CMPK2: variants seen among roughly 807,000 people sequenced by gnomAD.
CMPK2 encodes UMP-CMP kinase 2, mitochondrial.
A neutral mutation model predicts 33.4 loss-of-function variants in CMPK2; 32 were observed. The observed-to-expected ratio is 0.96, with a 90% CI of 0.72 to 1.29. The LOEUF (loss-of-function observed/expected upper bound fraction) is 1.29, where lower values mean the gene tolerates loss of function less well. Among genes scored for constraint, CMPK2 ranks in the 50% most tolerant of loss-of-function variants. The pLI is 0.00. For missense variants in CMPK2, 672 were observed against 616.0 expected (o/e 1.09, Z -0.96); for synonymous variants, 299 against 275.3 (o/e 1.09, Z -0.85).
rs79692126 is a variant in CMPK2, at chr2:6,851,420, G to A, written c.1226+30C>T. 13,779 of 1,613,664 alleles carry A rather than the reference G, an allele frequency of 8.5e-3. 91 individuals carry two copies. Among genetic ancestry groups the A allele is most frequent in the Non-Finnish European group, 0.01 (12,304 of 1,179,780 alleles). ...TCATCTCCCTTCAGGAATGCCTGCCGCTCACATTGCATTGCACTGGGACAC... is the reference window on the plus strand; with the variant it reads ...TCATCTCCCTTCAGGAATGCCTGCCACTCACATTGCATTGCACTGGGACAC... On this transcript the variant is annotated intron_variant, in intron 4 of 4. Transcript: ENST00000256722.
chr2:6,857,128 A>C (rs1662727528), intron 3 of CMPK2, among the ~76,000 whole-genome samples: 1 of 152,212 alleles, frequency 6.6e-6, no homozygotes, highest in South Asian at 2.1e-4. Context: ...CTTTAGTTAT[A>C]GTAGTTTCAC....
chr2:6,859,913 C>A (rs1200859499), intron 3 of CMPK2, among the ~76,000 whole-genome samples: 1 of 152,194 alleles, frequency 6.6e-6, no homozygotes. Context: ...CAGACAACAC[C>A]AGCCTGTGAA....
intron 3 of CMPK2, among the ~76,000 whole-genome samples, chr2:6,858,360 C>A (rs1313964548): frequency 2.0e-5 from 3 of 152,088 alleles, no homozygotes; most frequent in Non-Finnish European, 4.4e-5. Context: ...TATTATCTTA[C>A]CTCATCTTAT....
At chr2:6,844,481 G>C (rs904749224), downstream of CMPK2, among the ~76,000 whole-genome samples, 1 of 152,140 alleles carries the variant, frequency 6.6e-6, no homozygotes, top group Non-Finnish European at 1.5e-5. Flanking sequence ...TCTGGTTTTT[G>C]ATCTATCATG....
intron 2 of CMPK2, among the ~76,000 whole-genome samples, chr2:6,862,541 T>C (rs192301232): frequency 1.3e-5 from 2 of 152,344 alleles, no homozygotes; most frequent in South Asian, 2.1e-4. Context: ...GGGTACAAAA[T>C]AAATGATCAA....
At position 6,848,716 on chromosome 2, in the gene CMPK2, G is replaced by T; in HGVS notation, c.*1134C>A. Reference sequence around the variant, plus strand: ...TACAGATTTATCTGCCTTTGAACTGGAAGGAATTTTAGGTAATCACCTGGT... The same window carrying T: ...TACAGATTTATCTGCCTTTGAACTGTAAGGAATTTTAGGTAATCACCTGGT... On this transcript the variant is annotated 3_prime_UTR_variant, in exon 5 of 5. Transcript: ENST00000256722. 1 of 985,740 alleles carries T rather than the reference G, an allele frequency of 1.0e-6. No homozygotes were observed. Among genetic ancestry groups the T allele is most frequent in the Non-Finnish European group, 1.2e-6 (1 of 829,860 alleles). The allele number at this position is 985,740 out of a possible 1,614,324, so 61.1% of individuals were successfully genotyped here.
chr2:6,845,558 A>G (rs761573343), downstream of CMPK2, among the ~76,000 whole-genome samples: 1 of 152,200 alleles, frequency 6.6e-6, no homozygotes, highest in Non-Finnish European at 1.5e-5. Flanking sequence ...AGGAGCCAGT[A>G]GGGCAGGACT....
intron 3 of CMPK2, among the ~76,000 whole-genome samples, chr2:6,860,553 C>T (rs1662841444): frequency 6.6e-6 from 1 of 152,198 alleles, no homozygotes; most frequent in Admixed American, 6.5e-5. Flanking sequence ...GCTCTCTACT[C>T]TTGTCTGCCG....
upstream of CMPK2, chr2:6,866,106 C>T: frequency 4.2e-6 from 1 of 235,796 alleles, no homozygotes; most frequent in Non-Finnish European, 8.6e-6. Context: ...AGTTCCTCCT[C>T]TGCGGCTTAT....
chr2:6,848,385 T>C lies in CMPK2; in HGVS notation c.*1465A>G, dbSNP rs1662415865. ...TAAAGATACATTAATTGTTTGTTTT[T>C]CTAGGCTGCCAGTATAAGCTTTTCA... is the stretch of plus-strand genomic sequence containing the variant. On this transcript the variant is annotated 3_prime_UTR_variant, in exon 5 of 5. Transcript: ENST00000256722. 1.0e-6 allele frequency: 1 copy of C among 985,202 alleles called. No homozygotes were observed. The highest frequency in any genetic ancestry group is 1.2e-6 in the Non-Finnish European group (1 of 829,816). The allele number at this position is 985,202 out of a possible 1,614,324, so 61.0% of individuals were successfully genotyped here. A position where few individuals can be genotyped will look rare whatever the true frequency, so the allele number is the denominator to read the frequency against.
rs772810773 is a variant in CMPK2, at chr2:6,865,087, C to T, written c.610G>A (p.Val204Met). ...PVPEPPLHPV[V>M]PDLPSSVVFP... Reference sequence around the variant, plus strand: ...ACCACGGAACTGGGCAAGTCTGGCACCACCGGGTGCAGCGGGGGCTCCGGG... The same window carrying T: ...ACCACGGAACTGGGCAAGTCTGGCATCACCGGGTGCAGCGGGGGCTCCGGG... The change falls in exon 1 of 5, where the codon GTG (valine) becomes ATG (methionine). Residue 204 changes from valine (V) to methionine (M), a missense_variant. Val to Met is a conservative substitution (Grantham distance 21, BLOSUM62 1). Coordinates refer to ENST00000256722, the MANE Select transcript of CMPK2 (RefSeq NM_207315.4). 4.7e-6 allele frequency: 7 copies of T among 1,490,794 alleles called. No homozygotes were observed. Among genetic ancestry groups the T allele is most frequent in the Non-Finnish European group, 6.3e-6 (7 of 1,119,924 alleles). The allele number at this position is 1,490,794 out of a possible 1,614,324, so 92.3% of individuals were successfully genotyped here. A position where few individuals can be genotyped will look rare whatever the true frequency, so the allele number is the denominator to read the frequency against.
chr2:6,852,896 C>T (rs549335353), intron 3 of CMPK2, among the ~76,000 whole-genome samples: 17 of 152,278 alleles, frequency 1.1e-4, no homozygotes, highest in African/African-American at 3.9e-4. Context: ...AACATTCCAA[C>T]GTAGAGATAC....
chr2:6,864,926 C>A (rs1442005621), intron 1 of CMPK2, 96 bp downstream of exon 1: 3 of 1,332,426 alleles, frequency 2.3e-6, no homozygotes, highest in Non-Finnish European at 1.9e-6. Flanking sequence ...ACCACCCAGG[C>A]AAGAACCGGC....
At chr2:6,852,215 G>A (rs1053716009) in intron 3 of CMPK2, among the ~76,000 whole-genome samples, 2 of 152,190 alleles carry the variant, frequency 1.3e-5, no homozygotes, top group Admixed American at 6.5e-5. Context: ...GTATGAGACA[G>A]GGAGACAAAT....
At chr2:6,860,600 G>A (rs371662959) in intron 3 of CMPK2, among the ~76,000 whole-genome samples, 2 of 152,284 alleles carry the variant, frequency 1.3e-5, no homozygotes, top group East Asian at 3.9e-4. Flanking sequence ...CACCATGATT[G>A]TGAGGCCTCC....
chr2:6,865,953 G>A (rs1182424822), upstream of CMPK2: 8 of 1,250,874 alleles, frequency 6.4e-6, no homozygotes, highest in Non-Finnish European at 7.3e-6. Flanking sequence ...TGGCCCCGGG[G>A]CCCCAGGTGC....
At chr2:6,866,392 A>C, upstream of CMPK2, 2 of 953,150 alleles carry the variant, frequency 2.1e-6, no homozygotes, top group Non-Finnish European at 2.5e-6. Flanking sequence ...GCACTCACTC[A>C]CCTGTGCACA....
chr2:6,856,120 C>T lies in CMPK2; in HGVS notation c.993-4437G>A, dbSNP rs1273343581. Among the ~76,000 whole-genome samples, 10 of 152,300 alleles carry T rather than the reference C, an allele frequency of 6.6e-5. No individual in the cohort carries two copies. The East Asian group carries it at 1.5e-3, about 24-fold the overall frequency. Reference sequence around the variant, plus strand: ...AATACTTTTTGCAACATCTACCAAACCTGAACAGCCACAAACCCCATGCCC... The same window carrying T: ...AATACTTTTTGCAACATCTACCAAATCTGAACAGCCACAAACCCCATGCCC... On this transcript the variant is annotated intron_variant, in intron 3 of 4. Coordinates refer to ENST00000256722, the MANE Select transcript of CMPK2 (RefSeq NM_207315.4).
At chr2:6,851,305 G>T in intron 4 of CMPK2, 145 bp downstream of exon 4, 1 of 1,483,700 alleles carries the variant, frequency 6.7e-7, no homozygotes, top group African/African-American at 1.4e-5. Flanking sequence ...CATTGGAAGG[G>T]GCTGAAGTAA....
Sources: allele counts gnomAD v4.1 joint callset (sites outside exome capture counted in the v4.1 genomes callset), GRCh38; gene constraint gnomAD v4.1.1; transcripts MANE v1.5; gene names NCBI Gene and HGNC (gene_info 2026-07-23, HGNC 2026-07-21).